Variants in SYNE1 observed in about 807,000 individuals in gnomAD.
SYNE1 encodes the protein nesprin-1.
SYNE1 carries 616 observed loss-of-function variants against 1,111.0 expected under a neutral mutation model. That is an observed-to-expected ratio of 0.55 (90% CI 0.52 to 0.59). The LOEUF is 0.59. Among genes scored for constraint, SYNE1 ranks in the 20% least tolerant of loss-of-function variants. The pLI, the probability that SYNE1 is intolerant of heterozygous loss-of-function variation, is 0.00. For missense variants in SYNE1, 10,006 were observed against 10,417.0 expected (o/e 0.96, Z 1.72); for synonymous variants, 3,855 against 3,825.8 (o/e 1.01, Z -0.28).
In SYNE1 at chr6:152,302,248, G is replaced by A. The variant is rs114275888; in HGVS notation, c.17347-185C>T. 1.7e-3 allele frequency: 1,296 copies of A among 779,274 alleles called. 14 individuals are homozygous for A. In the African/African-American group the frequency reaches 0.02, roughly 12 times the overall value. The allele number at this position is 779,274 out of a possible 1,614,324, so 48.3% of individuals were successfully genotyped here. A position where few individuals can be genotyped will look rare whatever the true frequency, so the allele number is the denominator to read the frequency against. ...CGAGCCAGACCGCAGGCTGCGCGGC[G>A]CGGCGCAGGCACAGCCAAAGTGCCC... On this transcript the variant is annotated intron_variant, in intron 91 of 145. Transcript: ENST00000367255.
At chr6:152,225,638 C>T (rs2153484385) in intron 116 of SYNE1, 83 bp downstream of exon 116, 2 of 1,513,944 alleles carry the variant, frequency 1.3e-6, no homozygotes, top group East Asian at 2.3e-5. Flanking sequence ...ATTTCCTCTG[C>T]TACTTTAGGA....
chr6:152,543,931 C>T (rs1595040327), intron 3 of SYNE1, among the ~76,000 whole-genome samples: 1 of 152,310 alleles, frequency 6.6e-6, no homozygotes, highest in Middle Eastern at 3.4e-3. Flanking sequence ...TGCACAAGTA[C>T]ACCCTACAGA....
intron 126 of SYNE1, among the ~76,000 whole-genome samples, chr6:152,205,854 TTC>T (rs2076408511): frequency 6.6e-6 from 1 of 152,222 alleles, no homozygotes; most frequent in Non-Finnish European, 1.5e-5. Flanking sequence ...CCCTTTGAAT[TTC>T]TGTGTGGATT....
chr6:152,294,205 T>C (rs2094752312), intron 93 of SYNE1, 78 bp from the exon 94 acceptor site: 1 of 1,515,572 alleles, frequency 6.6e-7, no homozygotes, highest in Non-Finnish European at 9.0e-7. Context: ...CTGTTGGTCA[T>C]GTCAAGGAAA....
Position 152,381,077 on chromosome 6 carries a change from C to T in SYNE1, c.8938G>A (p.Ala2980Thr). The T allele has an allele frequency of 6.2e-7, 1 of 1,614,174 alleles. No homozygotes were observed. The highest frequency in any genetic ancestry group is 8.5e-7 in the Non-Finnish European group (1 of 1,180,018). Residue 2980 changes from alanine (A) to threonine (T), a missense_variant, in exon 56 of 146, where the codon GCT (alanine) becomes ACT (threonine). Physicochemically the swap from Ala to Thr is moderately conservative, Grantham distance 58 (BLOSUM62 0). Coordinates refer to ENST00000367255, the MANE Select transcript of SYNE1 (RefSeq NM_182961.4). The stretch of plus-strand genomic sequence containing the variant: ...CCTTCCAGGAGGGTTAACTGCTGAG[C>T]CCAGGTTTTCAGAAGGGCACTGAAC... Reference protein sequence around the residue: ...EQFSALLKTWAQQLTLLEGKN... With the variant: ...EQFSALLKTWTQQLTLLEGKN...
chr6:152,536,376 T>C (rs986244428), intron 4 of SYNE1, among the ~76,000 whole-genome samples: 59 of 87,246 alleles, frequency 6.8e-4, no homozygotes, highest in Non-Finnish European at 1.4e-3. Context: ...ATATATATAG[T>C]AATATATATA....
chr6:152,474,486 G>A (rs1463344126), intron 14 of SYNE1: 2 of 152,164 alleles, frequency 1.3e-5, no homozygotes, highest in African/African-American at 2.4e-5. Context: ...ACACTGAAAT[G>A]AGATCTCCTC....
chr6:152,306,794 G>A (rs999295087), intron 91 of SYNE1, among the ~76,000 whole-genome samples: 5 of 151,046 alleles, frequency 3.3e-5, no homozygotes, highest in East Asian at 1.9e-4. Context: ...GCTGAGGTGG[G>A]AGGACTGCCT....
rs141597053 is a variant in SYNE1, at chr6:152,430,636, T to C, written c.4535A>G (p.Gln1512Arg). ...GLEEEAQSFA[Q>R]FVTTGESARI... is the part of the protein sequence containing the mutation. The stretch of plus-strand genomic sequence containing the variant: ...AGCAGATTCTCCAGTGGTAACAAAC[T>C]GAGCAAAAGACTGGGCTTCTTCTTC... Residue 1512 changes from glutamine (Q) to arginine (R), a missense_variant, in exon 35 of 146, where the codon CAG (glutamine) becomes CGG (arginine). Gln to Arg is a conservative substitution (Grantham distance 43). This residue lies in a region of SYNE1 where 1,971 missense variants were observed against 2,084.1 expected (regional missense o/e 0.95). Coordinates refer to ENST00000367255, the MANE Select transcript of SYNE1 (RefSeq NM_182961.4). 5.0e-6 allele frequency: 8 copies of C among 1,614,044 alleles called. No homozygotes were observed. Among genetic ancestry groups the C allele is most frequent in the Non-Finnish European group, 5.9e-6 (7 of 1,180,024 alleles).
At chr6:152,529,806 T>C (rs775464433) in intron 4 of SYNE1, among the ~76,000 whole-genome samples, 36 of 149,588 alleles carry the variant, frequency 2.4e-4, no homozygotes, top group Non-Finnish European at 4.9e-4. Context: ...ACCAGGGAAG[T>C]TCCCCCAGGT....
At chr6:152,463,095 T>C (rs1030786783) in intron 19 of SYNE1, among the ~76,000 whole-genome samples, 2 of 152,170 alleles carry the variant, frequency 1.3e-5, no homozygotes, top group Admixed American at 1.3e-4. Context: ...AGAAATATGA[T>C]TTGAAACGAG....
intron 128 of SYNE1, among the ~76,000 whole-genome samples, chr6:152,189,024 G>A (rs2071403565): frequency 1.3e-5 from 1 of 79,120 alleles, no homozygotes; most frequent in African/African-American, 4.2e-5. Context: ...TATATAAAAT[G>A]CCAGCCAGCA....
At chr6:152,328,062 C>T (rs898494447) in intron 78 of SYNE1, among the ~76,000 whole-genome samples, 7 of 152,116 alleles carry the variant, frequency 4.6e-5, no homozygotes, top group Non-Finnish European at 7.4e-5. Flanking sequence ...AGCTAAGATT[C>T]ATCTGAGGTT....
At chr6:152,172,672 A>G (rs2065496554) in intron 130 of SYNE1, among the ~76,000 whole-genome samples, 1 of 152,228 alleles carries the variant, frequency 6.6e-6, no homozygotes, top group Non-Finnish European at 1.5e-5. Context: ...CACTGGATTC[A>G]TTGACAAAAC....
intron 94 of SYNE1, 100 bp downstream of exon 94, chr6:152,293,860 T>A: frequency 6.2e-7 from 1 of 1,608,340 alleles, no homozygotes; most frequent in Non-Finnish European, 8.5e-7. Context: ...GGTACTCAAC[T>A]GTGGACTGGA....
intron 2 of SYNE1, among the ~76,000 whole-genome samples, chr6:152,630,579 C>G (rs1465127381): frequency 6.6e-6 from 1 of 152,120 alleles, no homozygotes; most frequent in Admixed American, 6.5e-5. Flanking sequence ...ATAAATGGAT[C>G]CCCTAAGCTA....
intron 3 of SYNE1, among the ~76,000 whole-genome samples, chr6:152,562,142 T>A (rs1239411605): frequency 1.3e-5 from 2 of 151,932 alleles, no homozygotes; most frequent in Non-Finnish European, 2.9e-5. Context: ...GTGGAGAAAA[T>A]ATTTGCAAAC....
intron 142 of SYNE1, 53 bp downstream of exon 142, chr6:152,135,050 GA>G (rs2056746606): frequency 6.2e-7 from 1 of 1,612,298 alleles, no homozygotes; most frequent in Non-Finnish European, 8.5e-7. Context: ...TTCTGTAAAT[GA>G]AATGCAACCC....
chr6:152,360,813 C>T (rs1184009011), intron 64 of SYNE1, among the ~76,000 whole-genome samples: 1 of 151,806 alleles, frequency 6.6e-6, no homozygotes, highest in African/African-American at 2.4e-5. Flanking sequence ...TAAATGAGAC[C>T]CAGAAACATT....
Sources: gnomAD v4.1 joint callset for allele counts (sites outside exome capture counted in the v4.1 genomes callset) on GRCh38, gnomAD v4.1.1 for gene constraint, gnomAD v4.1.1 regional missense constraint, MANE v1.5 for transcripts, NCBI Gene and HGNC (gene_info 2026-07-23, HGNC 2026-07-21) for gene names.